Variants in SVOP observed in about 807,000 individuals in gnomAD.
The protein encoded by SVOP is SV2 related protein.
In SVOP, 17 loss-of-function variants were observed where a neutral mutation model predicts 69.1. The observed-to-expected ratio is 0.25, with a 90% CI of 0.17 to 0.37. The LOEUF is 0.37. SVOP is among the 10% of genes least tolerant of loss of function. The pLI is 1.00. For missense variants in SVOP, 435 were observed against 597.5 expected, an observed-to-expected ratio of 0.73 and a Z score of 2.84; for synonymous variants, 238 against 238.6, an observed-to-expected ratio of 1.00 and a Z score of 0.02.
chr12:109,006,729 T>C (rs1052318833), intron 1 of SVOP, among the ~76,000 whole-genome samples: 5 of 152,144 alleles, frequency 3.3e-5, no homozygotes, highest in Admixed American at 1.3e-4. Context: ...GTCTGGGAGC[T>C]GGATAAAGAA....
intron 11 of SVOP, among the ~76,000 whole-genome samples, chr12:108,931,761 G>A (rs564421479): frequency 6.2e-4 from 95 of 152,060 alleles, no homozygotes; most frequent in African/African-American, 2.3e-3. Context: ...TTGAACCCGG[G>A]AGGTGGAGCT....
At chr12:108,933,381 A>C (rs1039429809) in intron 11 of SVOP, among the ~76,000 whole-genome samples, 4 of 151,454 alleles carry the variant, frequency 2.6e-5, no homozygotes, top group African/African-American at 9.7e-5. Flanking sequence ...TGTCTCAAAA[A>C]TAATAATAAT....
Position 108,923,347 on chromosome 12 carries a change from A to G in SVOP, c.1049-550T>C, listed in dbSNP as rs2039761600. Among the ~76,000 whole-genome samples the G allele has an allele frequency of 2.0e-5, 3 of 152,282 alleles. No individual in the cohort carries two copies. The South Asian group carries it at 6.2e-4, about 32-fold the overall frequency. ...GAGCAAGTGGCCATGTAGGTGGCCTATGTGGTGGCAAGGAGTGGAGGGGAG... is the reference window on the plus strand; with the variant it reads ...GAGCAAGTGGCCATGTAGGTGGCCTGTGTGGTGGCAAGGAGTGGAGGGGAG... On this transcript the variant is annotated intron_variant, in intron 11 of 15. Coordinates refer to ENST00000610966, the MANE Select transcript of SVOP (RefSeq NM_018711.5).
At chr12:108,941,223 TTC>T (rs1437808921) in intron 7 of SVOP, among the ~76,000 whole-genome samples, 1 of 152,092 alleles carries the variant, frequency 6.6e-6, no homozygotes, top group Non-Finnish European at 1.5e-5. Context: ...AACACACTGG[TTC>T]TCTCTCTGTC....
At chr12:108,948,596 T>A (rs1222686225) in intron 6 of SVOP, among the ~76,000 whole-genome samples, 2 of 152,246 alleles carry the variant, frequency 1.3e-5, no homozygotes, top group Non-Finnish European at 2.9e-5. Context: ...TTCACAGTTA[T>A]AAACAACACT....
At chr12:108,988,196 A>G (rs1375858338) in intron 1 of SVOP, among the ~76,000 whole-genome samples, 1 of 152,116 alleles carries the variant, frequency 6.6e-6, no homozygotes, top group Non-Finnish European at 1.5e-5. Context: ...AAGTGCTGGG[A>G]TTACAGGTGT....
chr12:108,933,754 T>C (rs1279129566), intron 11 of SVOP, among the ~76,000 whole-genome samples: 1 of 152,092 alleles, frequency 6.6e-6, no homozygotes, highest in African/African-American at 2.4e-5. Context: ...CAGCAAACCA[T>C]GTGAAGGGGC....
chr12:108,981,548 T>G (rs2040135336), intron 2 of SVOP, among the ~76,000 whole-genome samples: 2 of 151,976 alleles, frequency 1.3e-5, no homozygotes. Flanking sequence ...AACAAGGTCG[T>G]GGGTAAGAAT....
At chr12:108,940,666 TAA>T in intron 8 of SVOP, 116 bp downstream of exon 8, 1 of 1,411,736 alleles carries the variant, frequency 7.1e-7, no homozygotes, top group Non-Finnish European at 9.4e-7. Flanking sequence ...TTTCCTGATT[TAA>T]AAAAAATAAT....
chr12:108,981,396 T>C (rs1301449785), intron 2 of SVOP, among the ~76,000 whole-genome samples: 2 of 152,158 alleles, frequency 1.3e-5, no homozygotes, highest in Non-Finnish European at 2.9e-5. Context: ...CTGCCAACAA[T>C]AGGCCTTGCA....
chr12:108,984,833 A>G (rs1664448353), intron 1 of SVOP, among the ~76,000 whole-genome samples: 1 of 152,142 alleles, frequency 6.6e-6, no homozygotes, highest in Admixed American at 6.5e-5. Context: ...AGCACTGAAA[A>G]GACAGATGTG....
chr12:108,937,673 T>G (rs905310215), intron 9 of SVOP, among the ~76,000 whole-genome samples: 1 of 152,036 alleles, frequency 6.6e-6, no homozygotes, highest in Non-Finnish European at 1.5e-5. Flanking sequence ...GTCCAAAGCA[T>G]GTCCAGCCAT....
intron 3 of SVOP, 28 bp from the exon 4 acceptor site, chr12:108,977,524 G>T: frequency 6.8e-7 from 1 of 1,465,202 alleles, no homozygotes; most frequent in South Asian, 1.2e-5. Flanking sequence ...ACATCATGAG[G>T]CCAGGATGCT....
intron 1 of SVOP, among the ~76,000 whole-genome samples, chr12:108,996,730 A>G (rs928681916): frequency 2.0e-5 from 3 of 152,192 alleles, no homozygotes; most frequent in Non-Finnish European, 4.4e-5. Flanking sequence ...CAGGAGCTAT[A>G]GACCAGCCTG....
chr12:109,006,099 C>A (rs151100632), intron 1 of SVOP, among the ~76,000 whole-genome samples: 1,635 of 152,284 alleles, frequency 0.011, 23 homozygotes, highest in African/African-American at 0.037. Context: ...GTCACCCAGG[C>A]TGGAGTGCAG....
chr12:108,970,590 T>G (rs1388074535), intron 5 of SVOP, among the ~76,000 whole-genome samples: 4 of 77,314 alleles, frequency 5.2e-5, no homozygotes, highest in Admixed American at 1.8e-4. Context: ...GCTCCAGTAG[T>G]AGGTTATTCT....
chr12:108,964,529 G>C (rs963904258), intron 5 of SVOP, among the ~76,000 whole-genome samples: 5 of 151,862 alleles, frequency 3.3e-5, no homozygotes, highest in Non-Finnish European at 2.9e-5. Context: ...CGTATTATCT[G>C]TCCTGTTTGA....
At chr12:108,938,769 A>C in intron 9 of SVOP, 58 bp downstream of exon 9, 1 of 1,610,226 alleles carries the variant, frequency 6.2e-7, no homozygotes, top group Non-Finnish European at 8.5e-7. Context: ...ATATGCACAC[A>C]CTCCCCTGCA....
At chr12:108,972,175 T>A (rs1168987928) in intron 5 of SVOP, among the ~76,000 whole-genome samples, 2 of 151,554 alleles carry the variant, frequency 1.3e-5, no homozygotes, top group Non-Finnish European at 2.9e-5. Context: ...CCAGGGGATA[T>A]GAATAGGCAT....
Sources: gnomAD v4.1 joint callset for allele counts (sites outside exome capture counted in the v4.1 genomes callset) on GRCh38, gnomAD v4.1.1 for gene constraint, MANE v1.5 for transcripts, NCBI Gene and HGNC (gene_info 2026-07-23, HGNC 2026-07-21) for gene names.